MAF: variants seen among roughly 807,000 people sequenced by gnomAD.
MAF encodes MAF bZIP transcription factor, also known as transcription factor Maf.
Under a neutral mutation model 22.0 loss-of-function variants are expected in MAF, and 10 were observed. The observed-to-expected ratio is 0.45, with a 90% CI of 0.28 to 0.77. The LOEUF is 0.77. Among genes scored for constraint, MAF ranks in the 30% least tolerant of loss-of-function variants. The probability of loss-of-function intolerance (pLI) is 0.12; values close to 1 mark genes in which losing one functional copy is unlikely to be tolerated. For missense variants in MAF, 544 were observed against 548.4 expected, an observed-to-expected ratio of 0.99 and a Z score of 0.08; for synonymous variants, 337 against 255.8, an observed-to-expected ratio of 1.32 and a Z score of -3.03.
the MAF span, among the ~76,000 whole-genome samples, chr16:79,264,973 T>G: frequency 6.6e-6 from 1 of 152,176 alleles, no homozygotes; most frequent in African/African-American, 2.4e-5. Flanking sequence ...GAACCAGAAC[T>G]CGCCTGTGAC....
At chr16:79,215,260 T>C in the MAF span, among the ~76,000 whole-genome samples, 1 of 152,106 alleles carries the variant, frequency 6.6e-6, no homozygotes, top group Non-Finnish European at 1.5e-5. Context: ...TTTTTCCTTT[T>C]AAACAGAGAT....
chr16:79,582,249 G>A (rs1360086531), downstream of MAF, among the ~76,000 whole-genome samples: 1 of 152,186 alleles, frequency 6.6e-6, no homozygotes, highest in Non-Finnish European at 1.5e-5. Flanking sequence ...AGCAGGTGAA[G>A]GGAGTTTAAA....
At chr16:79,541,492 T>A in the MAF span, among the ~76,000 whole-genome samples, 5 of 150,454 alleles carry the variant, frequency 3.3e-5, no homozygotes, top group Middle Eastern at 3.4e-3. Flanking sequence ...AAAAAAAAAA[T>A]AATAAATGCT....
At chr16:79,554,700 T>C in the MAF span, among the ~76,000 whole-genome samples, 1 of 152,094 alleles carries the variant, frequency 6.6e-6, no homozygotes, top group African/African-American at 2.4e-5. Flanking sequence ...AGGCCCAGAA[T>C]TCTCAAGATG....
the MAF span, among the ~76,000 whole-genome samples, chr16:79,330,089 T>G: frequency 6.6e-6 from 1 of 152,226 alleles, no homozygotes; most frequent in African/African-American, 2.4e-5. Flanking sequence ...TCTATTTTCA[T>G]ACCGATTTAT....
chr16:79,485,996 T>C, the MAF span, among the ~76,000 whole-genome samples: 7 of 152,224 alleles, frequency 4.6e-5, no homozygotes, highest in African/African-American at 1.4e-4. Context: ...CTGTGGATAA[T>C]GGGAGGAATT....
chr16:79,299,317 A>G, the MAF span, among the ~76,000 whole-genome samples: 4 of 151,836 alleles, frequency 2.6e-5, no homozygotes, highest in African/African-American at 9.7e-5. Context: ...TAGAAAAAGA[A>G]AATGGAAAAG....
chr16:79,471,322 T>G, the MAF span, among the ~76,000 whole-genome samples: 3 of 152,204 alleles, frequency 2.0e-5, no homozygotes, highest in African/African-American at 7.2e-5. Flanking sequence ...CTCCAAATTC[T>G]CAGCACTCCC....
the MAF span, among the ~76,000 whole-genome samples, chr16:79,223,218 A>C: frequency 6.6e-6 from 1 of 152,230 alleles, no homozygotes; most frequent in African/African-American, 2.4e-5. Flanking sequence ...AACTCACTCA[A>C]AACTGCACAA....
At chr16:79,238,515 T>C in the MAF span, among the ~76,000 whole-genome samples, 4 of 152,036 alleles carry the variant, frequency 2.6e-5, no homozygotes, top group African/African-American at 7.2e-5. Context: ...AACACTCACT[T>C]AGTGCTGTTG....
chr16:79,286,688 C>G, the MAF span, among the ~76,000 whole-genome samples: 3 of 152,320 alleles, frequency 2.0e-5, no homozygotes, highest in South Asian at 6.2e-4. Flanking sequence ...CAGAGCTACC[C>G]ACAGACATTC....
the MAF span, among the ~76,000 whole-genome samples, chr16:79,479,268 C>A: frequency 6.6e-5 from 10 of 152,338 alleles, no homozygotes; most frequent in African/African-American, 2.4e-4. Flanking sequence ...ACCATCATAC[C>A]TTTCTACCAT....
the MAF span, among the ~76,000 whole-genome samples, chr16:79,479,687 G>A: frequency 5.3e-5 from 8 of 152,338 alleles, no homozygotes; most frequent in South Asian, 4.1e-4. Context: ...TACCTTATAT[G>A]CTAGGCAGAA....
the MAF span, among the ~76,000 whole-genome samples, chr16:79,504,286 G>C: frequency 1.3e-5 from 2 of 152,136 alleles, no homozygotes; most frequent in East Asian, 1.9e-4. Context: ...GTCCCTTATA[G>C]CTGATAGCCT....
chr16:79,489,192 T>A, the MAF span, among the ~76,000 whole-genome samples: 1 of 152,124 alleles, frequency 6.6e-6, no homozygotes, highest in African/African-American at 2.4e-5. Context: ...CATCCATTTA[T>A]CCATCCATCT....
At chr16:79,552,905 C>A in the MAF span, among the ~76,000 whole-genome samples, 2 of 152,206 alleles carry the variant, frequency 1.3e-5, no homozygotes, top group Non-Finnish European at 2.9e-5. Flanking sequence ...TACCAGACAC[C>A]ATTTTGCCAC....
the MAF span, among the ~76,000 whole-genome samples, chr16:79,506,303 C>T: frequency 6.8e-4 from 104 of 152,246 alleles, no homozygotes; most frequent in South Asian, 9.8e-3. Context: ...AGCTGAGGCT[C>T]GGCAAAGTCC....
the MAF span, among the ~76,000 whole-genome samples, chr16:79,552,342 G>C: frequency 6.6e-6 from 1 of 152,054 alleles, no homozygotes; most frequent in African/African-American, 2.4e-5. Context: ...CCAGTAGCTG[G>C]ACTACTGGTG....
At chr16:79,357,120 G>C in the MAF span, among the ~76,000 whole-genome samples, 1 of 152,192 alleles carries the variant, frequency 6.6e-6, no homozygotes, top group African/African-American at 2.4e-5. Flanking sequence ...GCTGGATGCA[G>C]TGGCATGCGC....
Sources: allele counts gnomAD v4.1 joint callset (sites outside exome capture counted in the v4.1 genomes callset), GRCh38; gene constraint gnomAD v4.1.1; transcripts MANE v1.5; gene names NCBI Gene and HGNC (gene_info 2026-07-23, HGNC 2026-07-21).